Variants in SYNDIG1 observed in about 807,000 individuals in gnomAD.
SYNDIG1 encodes synapse differentiation-inducing gene protein 1.
In SYNDIG1, 9 loss-of-function variants were observed where a neutral mutation model predicts 19.4. That is an observed-to-expected ratio of 0.46 (90% confidence interval 0.28 to 0.81). The LOEUF (loss-of-function observed/expected upper bound fraction) is 0.81. Ranked by LOEUF, SYNDIG1 falls within the 30% of genes least tolerant of loss-of-function variation. The probability of loss-of-function intolerance (pLI) is 0.12; values close to 1 mark genes in which losing one functional copy is unlikely to be tolerated. For missense variants in SYNDIG1, 311 were observed against 343.3 expected (o/e 0.91, Z 0.74); for synonymous variants, 141 against 145.9 (o/e 0.97, Z 0.24).
At chr20:24,657,963 C>T (rs753826199) in intron 3 of SYNDIG1, among the ~76,000 whole-genome samples, 5 of 152,160 alleles carry the variant, frequency 3.3e-5, no homozygotes, top group African/African-American at 9.7e-5. Context: ...CAGTGTCTTG[C>T]GGAAGCCTGT....
chr20:24,654,650 GAGGAAGGAAGGAAGGAAGGAAGGA>G (rs572001347), intron 3 of SYNDIG1, among the ~76,000 whole-genome samples: 4 of 117,454 alleles, frequency 3.4e-5, no homozygotes, highest in African/African-American at 1.4e-4. Context: ...GGGAGGGAGG[GAGGAAGGAAGGAAGGAAGGAAGGA>G]AGGAAGGAAG....
intron 3 of SYNDIG1, among the ~76,000 whole-genome samples, chr20:24,600,535 T>G (rs961211546): frequency 6.6e-6 from 1 of 152,038 alleles, no homozygotes; most frequent in African/African-American, 2.4e-5. Context: ...GAACACACTT[T>G]TCTTGCACAT....
At chr20:24,532,097 G>A (rs904356779) in intron 1 of SYNDIG1, among the ~76,000 whole-genome samples, 1 of 152,146 alleles carries the variant, frequency 6.6e-6, no homozygotes, top group African/African-American at 2.4e-5. Context: ...TACCACTGAG[G>A]GCTTTGTTTT....
rs60892856 is a variant in SYNDIG1 at position 24,560,063 on chromosome 20, C to CTTTTTTTTTT, written c.480+16505_480+16514dup. Among the ~76,000 whole-genome samples the CTTTTTTTTTT allele has an allele frequency of 2.0e-3, 84 of 43,048 alleles. 34 individuals carry two copies. The highest frequency in any genetic ancestry group is 7.9e-3 in the African/African-American group (53 of 6,694). 28.2% of individuals were successfully genotyped at this position (43,048 alleles called of 152,430 possible). A position where few individuals can be genotyped will look rare whatever the true frequency, so the allele number is the denominator to read the frequency against. On this transcript the variant is annotated intron_variant, in intron 2 of 3. Transcript: ENST00000376862. ...TTTTTTTTAACATTTCTCTCCTCTC[C>CTTTTTTTTTT]TTTTTTTTTTTTTTTTTTTTTTTTT...
chr20:24,612,054 A>G (rs760535889), intron 3 of SYNDIG1, among the ~76,000 whole-genome samples: 36 of 152,222 alleles, frequency 2.4e-4, no homozygotes, highest in Non-Finnish European at 5.1e-4. Context: ...TGTCCCAGAG[A>G]ATATCACATA....
chr20:24,498,411 C>G (rs2056354093), intron 1 of SYNDIG1, among the ~76,000 whole-genome samples: 1 of 152,142 alleles, frequency 6.6e-6, no homozygotes, highest in South Asian at 2.1e-4. Flanking sequence ...CTTTAAATTT[C>G]TACGTTAGCC....
At chr20:24,484,946 T>G (rs2055913885) in intron 1 of SYNDIG1, among the ~76,000 whole-genome samples, 1 of 152,202 alleles carries the variant, frequency 6.6e-6, no homozygotes, top group Admixed American at 6.5e-5. Flanking sequence ...TTGGTGCTAT[T>G]CTTGAAGTAG....
At chr20:24,579,441 T>C (rs770895314) in intron 2 of SYNDIG1, among the ~76,000 whole-genome samples, 6 of 152,206 alleles carry the variant, frequency 3.9e-5, no homozygotes, top group Non-Finnish European at 5.9e-5. Context: ...CTGGTCTCTG[T>C]TTGAAAACTC....
At chr20:24,610,499 C>G (rs1180354986) in intron 3 of SYNDIG1, among the ~76,000 whole-genome samples, 1 of 152,228 alleles carries the variant, frequency 6.6e-6, no homozygotes, top group Non-Finnish European at 1.5e-5. Context: ...ATCCCCATCT[C>G]TGATTCCACA....
Position 24,547,303 on chromosome 20 carries a change from G to A in SYNDIG1, c.480+3726G>A, listed in dbSNP as rs1403401247. Among the ~76,000 whole-genome samples the A allele has an allele frequency of 3.3e-5, 5 of 152,242 alleles. No individual in the cohort carries two copies. In the East Asian group the frequency reaches 7.7e-4, roughly 23 times the overall value. ...GAGCCTCTCCAGGTCCGAAGAGGTC[G>A]GCCTGTCTGACATATGTTTGCAAGG... On this transcript the variant is annotated intron_variant, in intron 2 of 3. Transcript: ENST00000376862.
intron 1 of SYNDIG1, among the ~76,000 whole-genome samples, chr20:24,481,004 A>G (rs533827512): frequency 1.3e-4 from 20 of 152,330 alleles, no homozygotes; most frequent in Admixed American, 6.5e-4. Context: ...TAAAGGGTAT[A>G]GAGTTGCATA....
At chr20:24,527,559 T>C (rs1471036151) in intron 1 of SYNDIG1, among the ~76,000 whole-genome samples, 1 of 151,026 alleles carries the variant, frequency 6.6e-6, no homozygotes, top group East Asian at 2.0e-4. Flanking sequence ...TCTTTCTCTA[T>C]AGACTCTCAC....
At chr20:24,515,612 C>T (rs983263068) in intron 1 of SYNDIG1, among the ~76,000 whole-genome samples, 6 of 151,804 alleles carry the variant, frequency 4.0e-5, no homozygotes, top group African/African-American at 1.5e-4. Context: ...AATAAAATAC[C>T]TAGGAATCCA....
intron 1 of SYNDIG1, among the ~76,000 whole-genome samples, chr20:24,490,977 G>A (rs1316671090): frequency 6.6e-6 from 1 of 152,214 alleles, no homozygotes. Flanking sequence ...AGCCCACTTA[G>A]GGAGGTGCCA....
chr20:24,638,572 A>G (rs774927899), intron 3 of SYNDIG1, among the ~76,000 whole-genome samples: 7 of 152,068 alleles, frequency 4.6e-5, no homozygotes, highest in Admixed American at 6.5e-5. Context: ...AACGTTGCCT[A>G]GGCTGGTCTC....
chr20:24,635,640 T>C (rs1435696796), intron 3 of SYNDIG1, among the ~76,000 whole-genome samples: 1 of 152,202 alleles, frequency 6.6e-6, no homozygotes, highest in Non-Finnish European at 1.5e-5. Context: ...TTTTATAAGC[T>C]TTTTTTACAA....
intron 3 of SYNDIG1, among the ~76,000 whole-genome samples, chr20:24,643,878 G>GA (rs1222398940): frequency 1.3e-5 from 2 of 152,198 alleles, no homozygotes; most frequent in Non-Finnish European, 2.9e-5. Context: ...CCACTTATGT[G>GA]ATGCTGAGTT....
intron 2 of SYNDIG1, among the ~76,000 whole-genome samples, chr20:24,546,945 G>A (rs1020245751): frequency 6.6e-6 from 1 of 152,178 alleles, no homozygotes; most frequent in African/African-American, 2.4e-5. Context: ...AGCTTCACTT[G>A]GTTTATAGCA....
chr20:24,578,974 C>G (rs1008589109), intron 2 of SYNDIG1, among the ~76,000 whole-genome samples: 1 of 152,250 alleles, frequency 6.6e-6, no homozygotes, highest in African/African-American at 2.4e-5. Context: ...GTGGCCGGCA[C>G]GCAGGCTTGA....
Sources: gnomAD v4.1 joint callset for allele counts (sites outside exome capture counted in the v4.1 genomes callset) on GRCh38, gnomAD v4.1.1 for gene constraint, MANE v1.5 for transcripts, NCBI Gene and HGNC (gene_info 2026-07-23, HGNC 2026-07-21) for gene names.